ESRRG: variants seen among roughly 807,000 people sequenced by gnomAD.
ESRRG encodes the protein estrogen-related receptor gamma.
Under a neutral mutation model 44.0 loss-of-function variants are expected in ESRRG, and 13 were observed. The ratio of observed to expected loss-of-function variants is 0.30; its 90% CI spans 0.19 to 0.47. The LOEUF (loss-of-function observed/expected upper bound fraction) is 0.47, where lower values mean the gene tolerates loss of function less well. Ranked by LOEUF, ESRRG falls within the 20% of genes least tolerant of loss-of-function variation. The pLI, the probability that ESRRG is intolerant of heterozygous loss-of-function variation, is 1.00. For missense variants in ESRRG, 395 were observed against 580.6 expected (o/e 0.68, Z 3.29); for synonymous variants, 215 against 214.6 (o/e 1.00, Z -0.02).
At chr1:216,754,112 G>C (rs773809028) in intron 2 of ESRRG, among the ~76,000 whole-genome samples, 1 of 151,894 alleles carries the variant, frequency 6.6e-6, no homozygotes, top group African/African-American at 2.4e-5. Context: ...TAACTTAATG[G>C]GAAGCAGCTA....
chr1:216,659,814 G>A (rs539251609), intron 2 of ESRRG, among the ~76,000 whole-genome samples: 19 of 152,192 alleles, frequency 1.2e-4, no homozygotes, highest in African/African-American at 4.3e-4. Flanking sequence ...TTTATTATAT[G>A]TATCTGTGGA....
chr1:216,749,376 T>A (rs1335769276), intron 2 of ESRRG, among the ~76,000 whole-genome samples: 1 of 152,140 alleles, frequency 6.6e-6, no homozygotes, highest in African/African-American at 2.4e-5. Flanking sequence ...GGATTTGGAC[T>A]TCCTGGATCT....
At chr1:216,842,042 C>T (rs532862085) in intron 2 of ESRRG, among the ~76,000 whole-genome samples, 1 of 152,156 alleles carries the variant, frequency 6.6e-6, no homozygotes, top group East Asian at 1.9e-4. Flanking sequence ...GATCTAGAAG[C>T]TTGTTGTCAG....
intron 3 of ESRRG, among the ~76,000 whole-genome samples, chr1:216,603,638 A>G (rs2059530935): frequency 6.6e-6 from 1 of 152,218 alleles, no homozygotes; most frequent in Non-Finnish European, 1.5e-5. Context: ...TAAAGAAGAC[A>G]GAAAAATCAG....
At chr1:217,093,463 CAGGAAAA>C (rs1208209771), upstream of ESRRG, among the ~76,000 whole-genome samples, 1 of 119,022 alleles carries the variant, frequency 8.4e-6, no homozygotes, top group Non-Finnish European at 2.0e-5. Context: ...AAAGGCAGCT[CAGGAAAA>C]AAAAAATCCA....
At chr1:216,805,930 A>G (rs1473321509) in intron 2 of ESRRG, among the ~76,000 whole-genome samples, 1 of 152,176 alleles carries the variant, frequency 6.6e-6, no homozygotes, top group Non-Finnish European at 1.5e-5. Context: ...GAAGGCTGTT[A>G]TAACTCCCTC....
chr1:216,561,608 T>G (rs988461841), intron 5 of ESRRG, among the ~76,000 whole-genome samples: 1 of 152,170 alleles, frequency 6.6e-6, no homozygotes, highest in Non-Finnish European at 1.5e-5. Context: ...GGTCCTCTAC[T>G]GACCAACCTC....
intron 2 of ESRRG, among the ~76,000 whole-genome samples, chr1:216,877,965 G>C (rs1006539170): frequency 3.3e-5 from 5 of 152,144 alleles, no homozygotes; most frequent in African/African-American, 1.2e-4. Flanking sequence ...TTGCATGTAT[G>C]TCATGGACAG....
chr1:216,846,232 G>A (rs1542002), intron 2 of ESRRG, among the ~76,000 whole-genome samples: 31,367 of 151,790 alleles, frequency 0.21, 3,294 homozygotes, highest in Admixed American at 0.27. Flanking sequence ...ATATTTCCAC[G>A]TCTTTACGTA....
chr1:216,855,743 G>A (rs576294737), intron 2 of ESRRG, among the ~76,000 whole-genome samples: 3 of 152,224 alleles, frequency 2.0e-5, no homozygotes, highest in African/African-American at 4.8e-5. Context: ...GGGAACCAAC[G>A]AGATAAATGC....
intron 2 of ESRRG, chr1:216,855,087 C>T (rs1172476029): frequency 6.6e-6 from 1 of 152,092 alleles, no homozygotes; most frequent in Non-Finnish European, 1.5e-5. Context: ...CAATGTCAGG[C>T]TCCATTTTGG....
chr1:216,859,265 T>C (rs2149078196), intron 2 of ESRRG, among the ~76,000 whole-genome samples: 1 of 152,180 alleles, frequency 6.6e-6, no homozygotes, highest in African/African-American at 2.4e-5. Flanking sequence ...TAGAAACAAA[T>C]AAGGTAAGAC....
intron 1 of ESRRG, among the ~76,000 whole-genome samples, chr1:217,030,147 CTCTT>C (rs2081857861): frequency 6.6e-6 from 1 of 152,050 alleles, no homozygotes; most frequent in Non-Finnish European, 1.5e-5. Flanking sequence ...CTTTCCCTTT[CTCTT>C]TCTCTTTTTC....
intron 2 of ESRRG, among the ~76,000 whole-genome samples, chr1:216,764,726 C>A (rs1370070805): frequency 1.3e-5 from 2 of 152,066 alleles, no homozygotes; most frequent in African/African-American, 4.8e-5. Flanking sequence ...AAATTTGTAT[C>A]CCTAAGAGAT....
intron 1 of ESRRG, among the ~76,000 whole-genome samples, chr1:217,115,855 A>G (rs2092719206): frequency 6.6e-6 from 1 of 152,230 alleles, no homozygotes; most frequent in East Asian, 1.9e-4. Flanking sequence ...CATAAGCCAC[A>G]AGAGCCCTGG....
At chr1:217,101,666 C>T (rs545731183) in intron 1 of ESRRG, among the ~76,000 whole-genome samples, 38 of 152,334 alleles carry the variant, frequency 2.5e-4, no homozygotes, top group Non-Finnish European at 4.7e-4. Context: ...CTCCACCTCC[C>T]ACATCAGCAA....
chr1:217,088,426 T>TTTTTTTGTG (rs1558245350), intron 1 of ESRRG, among the ~76,000 whole-genome samples: 1 of 101,086 alleles, frequency 9.9e-6, no homozygotes, highest in African/African-American at 3.5e-5. Context: ...TTTTTTTTTT[T>TTTTTTTGTG]GAGAGAGAGA....
intron 1 of ESRRG, among the ~76,000 whole-genome samples, chr1:217,088,876 G>A (rs1430340079): frequency 6.6e-6 from 1 of 152,096 alleles, no homozygotes; most frequent in Non-Finnish European, 1.5e-5. Context: ...GACTTGAGGG[G>A]TAGAAGGAGG....
At chr1:216,746,969 A>T (rs2091471502) in intron 2 of ESRRG, among the ~76,000 whole-genome samples, 1 of 152,130 alleles carries the variant, frequency 6.6e-6, no homozygotes, top group Non-Finnish European at 1.5e-5. Flanking sequence ...TTAGATTATT[A>T]TCAGTAATTA....
Sources: gnomAD v4.1 joint callset for allele counts (sites outside exome capture counted in the v4.1 genomes callset) on GRCh38, gnomAD v4.1.1 for gene constraint, MANE v1.5 for transcripts, NCBI Gene and HGNC (gene_info 2026-07-23, HGNC 2026-07-21) for gene names.